Variants in VENTX observed in about 807,000 individuals in gnomAD.
VENTX encodes homeobox protein VENTX.
In VENTX, 13 loss-of-function variants were observed where a neutral mutation model predicts 10.5. That is an observed-to-expected ratio of 1.23 (90% confidence interval 0.80 to 1.96). The LOEUF (loss-of-function observed/expected upper bound fraction) is 1.96. Among genes scored for constraint, VENTX ranks in the 30% most tolerant of loss-of-function variants. The pLI is 0.00. For missense variants in VENTX, 400 were observed against 341.8 expected, an observed-to-expected ratio of 1.17 and a Z score of -1.34; for synonymous variants, 177 against 150.4, an observed-to-expected ratio of 1.18 and a Z score of -1.29.
rs760697374 is a variant in VENTX, at chr10:133,237,974, G to A, written c.60G>A (p.Val20=). 1.9e-6 allele frequency: 3 copies of A among 1,600,698 alleles called. No homozygotes were observed. In the African/African-American group the frequency reaches 4.0e-5, roughly 21 times the overall value. ...GPQQLSSFGS[V]DWLSQSSCSG... is the part of the protein sequence containing the mutation. Reference sequence around the variant, plus strand: ...AGCAGCTCTCCAGCTTTGGCTCCGTGGACTGGCTCTCCCAGAGCAGCTGCT... The same window carrying A: ...AGCAGCTCTCCAGCTTTGGCTCCGTAGACTGGCTCTCCCAGAGCAGCTGCT... Residue 20 remains valine (V), a synonymous_variant, in exon 1 of 3, where the codon GTG becomes GTA. Coordinates refer to ENST00000325980, the MANE Select transcript of VENTX (RefSeq NM_014468.4).
Position 133,240,134 on chromosome 10 carries a change from T to C in VENTX, c.605T>C (p.Phe202Ser), listed in dbSNP as rs1845912525. 4.3e-6 allele frequency: 7 copies of C among 1,609,690 alleles called. No individual in the cohort carries two copies. The highest frequency in any genetic ancestry group is 5.9e-6 in the Non-Finnish European group (7 of 1,179,952). Residue 202 changes from phenylalanine to serine, a missense_variant, in exon 3 of 3, where the codon TTC (phenylalanine) becomes TCC (serine). Phe to Ser is a radical substitution (Grantham distance 155). Transcript: ENST00000325980. ...GCTCTGATGCTGCCCCCTGGCTCCT[T>C]CTGGGGTCTCTGCCAAGTGGCACAA... is the stretch of plus-strand genomic sequence containing the variant. ...PQALMLPPGS[F>S]WGLCQVAQEA...
Position 133,239,643 on chromosome 10 carries a change from T to C in VENTX, c.242-33T>C, listed in dbSNP as rs1015538761. 4 of 1,608,572 alleles carry C rather than the reference T, an allele frequency of 2.5e-6. No individual in the cohort carries two copies. In the African/African-American group the frequency reaches 5.3e-5, roughly 22 times the overall value. The stretch of plus-strand genomic sequence containing the variant: ...CACGAGCTTGCCCCATGGGGTGGCA[T>C]GTTGAGCCAAATGCCCTTACCCTCT... On this transcript the variant is annotated intron_variant, in intron 1 of 2. Transcript: ENST00000325980.
At position 133,238,209 on chromosome 10, in the gene VENTX, GA is replaced by G. The variant is rs1845879635; in HGVS notation, c.241+55del. ...TTCCCAGGTGGAGATGGGAGTGGGG[GA>G]GAGGCCAGGAGCCCGGCGGCTGCAC... On this transcript the variant is annotated intron_variant, in intron 1 of 2. Transcript: ENST00000325980. 6.6e-6 allele frequency: 10 copies of G among 1,508,242 alleles called. No homozygotes were observed. In the South Asian group the frequency reaches 1.2e-4, roughly 18 times the overall value. The allele number at this position is 1,508,242 out of a possible 1,614,324, so 93.4% of individuals were successfully genotyped here.
Position 133,240,261 on chromosome 10 carries a change from GC to G in VENTX, c.736del (p.Arg246GlyfsTer49). ...CGCTGGGACCAGCCCTGTCCACGGG[GC>G]CCCGGGGCCTGTGTGCTATGCCACA... Reference protein sequence around the residue: ...PSLGPALSTGPRGLCAMPQTG... With the variant: ...PSLGPALSTGXRGLCAMPQTG... On this transcript the variant is annotated frameshift_variant, in exon 3 of 3. Coordinates refer to ENST00000325980, the MANE Select transcript of VENTX (RefSeq NM_014468.4). LOFTEE classifies it low-confidence loss of function (END_TRUNC). The G allele has an allele frequency of 6.2e-7, 1 of 1,605,420 alleles. No individual in the cohort carries two copies. Among genetic ancestry groups the G allele is most frequent in the Non-Finnish European group, 8.5e-7 (1 of 1,175,520 alleles).
chr10:133,238,164 G>T lies in VENTX; in HGVS notation c.241+9G>T, dbSNP rs567607437. ...GGAGAGGACCATGGCCGGTAGGTCC[G>T]GGTGGGGGGGGTCCCTTCCTTCCCA... On this transcript the variant is annotated intron_variant, in intron 1 of 2. Transcript: ENST00000325980. 1.9e-6 allele frequency: 3 copies of T among 1,577,718 alleles called. No homozygotes were observed. The highest frequency in any genetic ancestry group is 1.2e-5 in the South Asian group (1 of 86,286).
intron 1 of VENTX, among the ~76,000 whole-genome samples, chr10:133,238,650 C>T (rs1239390523): frequency 1.3e-5 from 2 of 152,068 alleles, no homozygotes; most frequent in Non-Finnish European, 1.5e-5. Context: ...GCAGGGGTGG[C>T]GGTGACCCCG....
chr10:133,239,908 G>C lies in VENTX; in HGVS notation c.403-24G>C, dbSNP rs1168362826. On this transcript the variant is annotated intron_variant, in intron 2 of 2. Transcript: ENST00000325980. ...GGGCTGGTGGCCTAGTCTCACCCCT[G>C]TTCTGATCTTGCTTTTCCTACAGAT... 3 of 1,610,450 alleles carry C rather than the reference G, an allele frequency of 1.9e-6. No homozygotes were observed. In the African/African-American group the frequency reaches 4.0e-5, roughly 22 times the overall value.
At position 133,241,279 on chromosome 10, in the gene VENTX, G is replaced by A. The variant is rs1845931599; in HGVS notation, c.*973G>A. 4 of 153,610 alleles carry A rather than the reference G, an allele frequency of 2.6e-5. No homozygotes were observed. Among genetic ancestry groups the A allele is most frequent in the African/African-American group, 9.6e-5 (4 of 41,502 alleles). The allele number at this position is 153,610 out of a possible 1,614,324, so 9.5% of individuals were successfully genotyped here. A position where few individuals can be genotyped will look rare whatever the true frequency, so the allele number is the denominator to read the frequency against. On this transcript the variant is annotated 3_prime_UTR_variant, in exon 3 of 3. Coordinates refer to ENST00000325980, the MANE Select transcript of VENTX (RefSeq NM_014468.4). ...GGGCCAGGGAAAGCAGGGCAGCCGGGACCTGCGGCTGTGCCTGGACTGAAG... is the reference window on the plus strand; with the variant it reads ...GGGCCAGGGAAAGCAGGGCAGCCGGAACCTGCGGCTGTGCCTGGACTGAAG...
chr10:133,240,029 C>T lies in VENTX; in HGVS notation c.500C>T (p.Pro167Leu). The T allele has an allele frequency of 1.2e-6, 2 of 1,612,086 alleles. No homozygotes were observed. The highest frequency in any genetic ancestry group is 1.7e-6 in the Non-Finnish European group (2 of 1,180,022). The change falls in exon 3 of 3, where the codon CCA (proline) becomes CTA (leucine). Residue 167 changes from proline (P) to leucine (L), a missense_variant. Coordinates refer to ENST00000325980, the MANE Select transcript of VENTX (RefSeq NM_014468.4). ...SPFSGSLHAP[P>L]AFYSTSSGLA... is the part of the protein sequence containing the mutation. The stretch of plus-strand genomic sequence containing the variant: ...TTCTCGGGGTCTCTCCATGCGCCCC[C>T]AGCTTTCTACTCAACGTCTTCTGGC...
chr10:133,239,710 C>T lies in VENTX; in HGVS notation c.276C>T (p.Pro92=). Residue 92 remains proline (P), a synonymous_variant, in exon 2 of 3, where the codon CCC becomes CCT. Coordinates refer to ENST00000325980, the MANE Select transcript of VENTX (RefSeq NM_014468.4). ...AGGAGCCAAATACCTTGCGGGCCCCCCGTGTCCGCACAGCCTTCACCATGG... is the reference window on the plus strand; with the variant it reads ...AGGAGCCAAATACCTTGCGGGCCCCTCGTGTCCGCACAGCCTTCACCATGG... ...LSKEPNTLRA[P]RVRTAFTMEQ... The T allele has an allele frequency of 6.2e-7, 1 of 1,611,136 alleles. No individual in the cohort carries two copies. The highest frequency in any genetic ancestry group is 8.5e-7 in the Non-Finnish European group (1 of 1,180,010).
chr10:133,238,530 G>GC (rs367928533), intron 1 of VENTX, among the ~76,000 whole-genome samples: 13,737 of 150,834 alleles, frequency 0.091, 803 homozygotes, highest in African/African-American at 0.16. Context: ...GATTTGCCAA[G>GC]CCCCCCGCCC....
chr10:133,240,265 C>T lies in VENTX; in HGVS notation c.736C>T (p.Arg246Trp), dbSNP rs563948201. The T allele has an allele frequency of 5.6e-6, 9 of 1,604,820 alleles. No homozygotes were observed. The highest frequency in any genetic ancestry group is 1.7e-4 in the Middle Eastern group (1 of 5,868). ...GGGACCAGCCCTGTCCACGGGGCCC[C>T]GGGGCCTGTGTGCTATGCCACAGAC... ...SLGPALSTGP[R>W]GLCAMPQTGD... is the part of the protein sequence containing the mutation. Residue 246 changes from arginine (R) to tryptophan (W), a missense_variant, in exon 3 of 3, where the codon CGG becomes TGG. Arg to Trp is a moderately radical substitution (Grantham distance 101). Coordinates refer to ENST00000325980, the MANE Select transcript of VENTX (RefSeq NM_014468.4).
In VENTX at chr10:133,240,334, G is replaced by A. The variant is rs774894584; in HGVS notation, c.*28G>A. 6.5e-5 allele frequency: 101 copies of A among 1,542,492 alleles called. 2 individuals are homozygous for A. The South Asian group carries it at 1.1e-3, about 16-fold the overall frequency. On this transcript the variant is annotated 3_prime_UTR_variant, in exon 3 of 3. Transcript: ENST00000325980. ...AGGCACCTCTGACTCCCACACTCGC[G>A]GTCTTGCTGATCGCACCTGGCTCCT... is the stretch of plus-strand genomic sequence containing the variant.
At chr10:133,239,461 G>A (rs1845897360) in intron 1 of VENTX, among the ~76,000 whole-genome samples, 1 of 152,228 alleles carries the variant, frequency 6.6e-6, no homozygotes, top group African/African-American at 2.4e-5. Context: ...GCAGGCCCAA[G>A]CTGCTGTTAA....
Position 133,238,051 on chromosome 10 carries a change from C to T in VENTX, c.137C>T (p.Pro46Leu), listed in dbSNP as rs929474624. 6 of 1,599,794 alleles carry T rather than the reference C, an allele frequency of 3.8e-6. No homozygotes were observed. The Admixed American group carries it at 6.8e-5, about 18-fold the overall frequency. The change falls in exon 1 of 3, where the codon CCT becomes CTT. Residue 46 changes from proline (P) to leucine (L), a missense_variant. By Grantham distance (98) the Pro-to-Leu change is moderately conservative. Transcript: ENST00000325980. ...RPADFSLGSL[P>L]GPGQTSGARE... Reference sequence around the variant, plus strand: ...GCCGACTTCTCCCTGGGGAGCCTCCCTGGCCCAGGCCAGACATCCGGCGCC... The same window carrying T: ...GCCGACTTCTCCCTGGGGAGCCTCCTTGGCCCAGGCCAGACATCCGGCGCC...
chr10:133,241,845 A>G lies in VENTX; in HGVS notation c.*1539A>G, dbSNP rs1054776. 0.11 allele frequency: 16,548 copies of G among 152,324 alleles called. 983 individuals are homozygous for G. Among genetic ancestry groups the G allele is most frequent in the Middle Eastern group, 0.2 (58 of 294 alleles). The allele number at this position is 152,324 out of a possible 1,614,324, so 9.4% of individuals were successfully genotyped here. ...CTCGGAGGGCAGCAGCTGGACAGGG[A>G]CTACTGGGTTTGGCCTGGACAGCAC... On this transcript the variant is annotated 3_prime_UTR_variant, in exon 3 of 3. Coordinates refer to ENST00000325980, the MANE Select transcript of VENTX (RefSeq NM_014468.4).
In VENTX at chr10:133,241,811, G is replaced by A. The variant is rs1350296326; in HGVS notation, c.*1505G>A. On this transcript the variant is annotated 3_prime_UTR_variant, in exon 3 of 3. Transcript: ENST00000325980. Reference sequence around the variant, plus strand: ...CGAGTGACAATGTGACAGAAGCCTGGGCGAGGCCCTCGGAGGGCAGCAGCT... The same window carrying A: ...CGAGTGACAATGTGACAGAAGCCTGAGCGAGGCCCTCGGAGGGCAGCAGCT... The A allele has an allele frequency of 6.6e-6, 1 of 152,302 alleles. No homozygotes were observed. The allele number at this position is 152,302 out of a possible 1,614,324, so 9.4% of individuals were successfully genotyped here. A position where few individuals can be genotyped will look rare whatever the true frequency, so the allele number is the denominator to read the frequency against.
rs970335043 is a variant in VENTX, at chr10:133,238,017, C to G, written c.103C>G (p.Pro35Ala). 7 of 1,600,550 alleles carry G rather than the reference C, an allele frequency of 4.4e-6. No homozygotes were observed. The highest frequency in any genetic ancestry group is 5.1e-6 in the Non-Finnish European group (6 of 1,176,158). Residue 35 changes from proline (P) to alanine (A), a missense_variant, in exon 1 of 3, where the codon CCC becomes GCC. Transcript: ENST00000325980. ...CAGCTGCTCAGGGCCGACCCACACC[C>G]CCAGGCCTGCCGACTTCTCCCTGGG... ...QSSCSGPTHTPRPADFSLGSL... is the reference protein window; with the variant it reads ...QSSCSGPTHTARPADFSLGSL...
rs778667580 is a variant in VENTX at position 133,240,248 on chromosome 10, C to G, written c.719C>G (p.Ala240Gly). 1 of 1,610,118 alleles carries G rather than the reference C, an allele frequency of 6.2e-7. No homozygotes were observed. The highest frequency in any genetic ancestry group is 1.7e-5 in the Admixed American group (1 of 59,750). The change falls in exon 3 of 3, where the codon GCC becomes GGC. Residue 240 changes from alanine (A) to glycine (G), a missense_variant. By Grantham distance (60) the Ala-to-Gly change is moderately conservative. Transcript: ENST00000325980. ...CCAGGCCGGCCTTCGCTGGGACCAG[C>G]CCTGTCCACGGGGCCCCGGGGCCTG... ...PTPGRPSLGP[A>G]LSTGPRGLCA...
Sources: allele counts gnomAD v4.1 joint callset (sites outside exome capture counted in the v4.1 genomes callset), GRCh38; gene constraint gnomAD v4.1.1; transcripts MANE v1.5; gene names NCBI Gene and HGNC (gene_info 2026-07-23, HGNC 2026-07-21).